WDR26: variants seen among roughly 807,000 people sequenced by gnomAD.
WDR26 encodes the protein WD repeat domain 26, also known as WD repeat-containing protein 26.
In WDR26, 5 loss-of-function variants were observed where a neutral mutation model predicts 84.1. The observed-to-expected ratio is 0.06, with a 90% CI of 0.03 to 0.13. The LOEUF (loss-of-function observed/expected upper bound fraction) is 0.13. WDR26 is among the 10% of genes least tolerant of loss of function. The pLI, the probability that WDR26 is intolerant of heterozygous loss-of-function variation, is 1.00. For synonymous variants in WDR26, 415 were observed against 389.6 expected, an observed-to-expected ratio of 1.07 and a Z score of -0.77; for missense variants, 642 against 974.9, an observed-to-expected ratio of 0.66 and a Z score of 4.55.
chr1:224,404,974 T>C (rs1486708574), intron 7 of WDR26, among the ~76,000 whole-genome samples: 2 of 152,232 alleles, frequency 1.3e-5, no homozygotes, highest in East Asian at 3.8e-4. Context: ...CCTTTTAAAG[T>C]ATACAACTCA....
chr1:224,398,389 C>T (rs1044197829), intron 11 of WDR26, 126 bp downstream of exon 11: 1 of 1,180,050 alleles, frequency 8.5e-7, no homozygotes, highest in Non-Finnish European at 1.2e-6. Flanking sequence ...ATTTAAGGAT[C>T]AATCACATGC....
At chr1:224,429,718 G>GT (rs1380058402) in intron 3 of WDR26, 1 of 152,156 alleles carries the variant, frequency 6.6e-6, no homozygotes, top group Non-Finnish European at 1.5e-5. Flanking sequence ...ATCCTAGAAT[G>GT]TTCTACAGAC....
At chr1:224,392,531 G>T (rs1386877713) in intron 13 of WDR26, among the ~76,000 whole-genome samples, 17 of 152,144 alleles carry the variant, frequency 1.1e-4, no homozygotes, top group Admixed American at 1.1e-3. Flanking sequence ...TAAAGACTTT[G>T]GGTTTGTAGG....
At chr1:224,400,508 C>T (rs1046413103) in intron 9 of WDR26, among the ~76,000 whole-genome samples, 2 of 152,028 alleles carry the variant, frequency 1.3e-5, no homozygotes, top group African/African-American at 4.8e-5. Context: ...TTGTCTACGA[C>T]GACAGCAAAG....
Position 224,385,331 on chromosome 1 carries a change from AGTC to A in WDR26, c.*4501_*4503del, listed in dbSNP as rs1672958925. On this transcript the variant is annotated 3_prime_UTR_variant, in exon 14 of 14. Transcript: ENST00000414423. ...ATACATTACACATTTATAAAATAAA[AGTC>A]AACAAAGGGTGTTTTGTAAATAATT... 1 of 152,258 alleles carries A rather than the reference AGTC, an allele frequency of 6.6e-6. No homozygotes were observed. The highest frequency in any genetic ancestry group is 1.5e-5 in the Non-Finnish European group (1 of 68,040). The allele number at this position is 152,258 out of a possible 1,614,324, so 9.4% of individuals were successfully genotyped here.
intron 9 of WDR26, among the ~76,000 whole-genome samples, chr1:224,399,340 T>TA (rs1441016105): frequency 6.6e-6 from 1 of 152,216 alleles, no homozygotes; most frequent in Non-Finnish European, 1.5e-5. Flanking sequence ...AGTAAGGTCT[T>TA]ACTTTTATTC....
rs931868576 is a variant in WDR26 at position 224,385,557 on chromosome 1, C to G, written c.*4278G>C. 3 of 152,730 alleles carry G rather than the reference C, an allele frequency of 2.0e-5. No homozygotes were observed. The highest frequency in any genetic ancestry group is 4.1e-4 in the South Asian group (2 of 4,826). The allele number at this position is 152,730 out of a possible 1,614,324, so 9.5% of individuals were successfully genotyped here. Reference sequence around the variant, plus strand: ...AAATAGTTATTACATACCAAAAGCTCTAAGTGTTAACTAGTTCCACCACAA... The same window carrying G: ...AAATAGTTATTACATACCAAAAGCTGTAAGTGTTAACTAGTTCCACCACAA... On this transcript the variant is annotated 3_prime_UTR_variant, in exon 14 of 14. Transcript: ENST00000414423.
chr1:224,402,434 ATG>A (rs562532633), intron 8 of WDR26, among the ~76,000 whole-genome samples: 41 of 152,344 alleles, frequency 2.7e-4, no homozygotes, highest in African/African-American at 7.9e-4. Flanking sequence ...TTCTCTTATT[ATG>A]CTCTAAATAG....
chr1:224,399,466 G>GA (rs1572165383), intron 9 of WDR26, among the ~76,000 whole-genome samples: 1 of 152,154 alleles, frequency 6.6e-6, no homozygotes, highest in South Asian at 2.1e-4. Context: ...CAGACTGGAG[G>GA]AATCTGTTAA....
chr1:224,426,419 T>C (rs1674212176), intron 3 of WDR26, among the ~76,000 whole-genome samples: 1 of 152,104 alleles, frequency 6.6e-6, no homozygotes, highest in Non-Finnish European at 1.5e-5. Flanking sequence ...ACAAATCTCA[T>C]CTTAAATATA....
chr1:224,413,081 C>T (rs1673782972), intron 6 of WDR26: 1 of 188,084 alleles, frequency 5.3e-6, no homozygotes, highest in Non-Finnish European at 1.1e-5. Context: ...CTCAGCTACT[C>T]AAGAAGCTGA....
chr1:224,424,019 T>G (rs1674140629), intron 4 of WDR26, among the ~76,000 whole-genome samples: 1 of 151,238 alleles, frequency 6.6e-6, no homozygotes, highest in African/African-American at 2.4e-5. Context: ...GAGATCACAC[T>G]GGACAACACT....
At chr1:224,409,023 G>A (rs2102902753) in intron 7 of WDR26, among the ~76,000 whole-genome samples, 1 of 152,150 alleles carries the variant, frequency 6.6e-6, no homozygotes, top group South Asian at 2.1e-4. Flanking sequence ...GGTAGTATTA[G>A]GCAGTACTGG....
intron 9 of WDR26, among the ~76,000 whole-genome samples, chr1:224,399,677 G>A (rs1362693466): frequency 1.3e-5 from 2 of 152,082 alleles, no homozygotes; most frequent in Non-Finnish European, 2.9e-5. Flanking sequence ...CTTGCACGCA[G>A]GGAATTAAGA....
At position 224,393,774 on chromosome 1, in the gene WDR26, G is replaced by A. The variant is rs1479207949; in HGVS notation, c.2260+54C>T. The A allele has an allele frequency of 1.7e-5, 24 of 1,387,950 alleles. No individual in the cohort carries two copies. The East Asian group carries it at 5.5e-4, about 32-fold the overall frequency. The allele number at this position is 1,387,950 out of a possible 1,614,324, so 86.0% of individuals were successfully genotyped here. ...TAAAACTGCTTTAAGTTCATAATAA[G>A]CCGAGTGATGTTTCATTTGGACAAA... On this transcript the variant is annotated intron_variant, in intron 13 of 13. Transcript: ENST00000414423.
intron 7 of WDR26, 134 bp from the exon 8 acceptor site, chr1:224,404,704 T>C (rs1673506521): frequency 1.9e-6 from 2 of 1,065,584 alleles, no homozygotes; most frequent in African/African-American, 3.2e-5. Flanking sequence ...ATTTTCCCTT[T>C]AACAGCTTGC....
At chr1:224,432,196 T>C (rs1674411647) in intron 1 of WDR26, among the ~76,000 whole-genome samples, 1 of 152,252 alleles carries the variant, frequency 6.6e-6, no homozygotes, top group Admixed American at 6.5e-5. Flanking sequence ...AGAGCTTATA[T>C]ATCCAGGTAT....
Position 224,387,303 on chromosome 1 carries a change from A to G in WDR26, c.*2532T>C, listed in dbSNP as rs1034054081. The G allele has an allele frequency of 2.6e-5, 4 of 152,608 alleles. No individual in the cohort carries two copies. Among genetic ancestry groups the G allele is most frequent in the African/African-American group, 9.7e-5 (4 of 41,434 alleles). The allele number at this position is 152,608 out of a possible 1,614,324, so 9.5% of individuals were successfully genotyped here. On this transcript the variant is annotated 3_prime_UTR_variant, in exon 14 of 14. Transcript: ENST00000414423. The stretch of plus-strand genomic sequence containing the variant: ...CCTGCGATCAGTTTCTCATACCATA[A>G]AATCCTAGGCTTCTTTACCATTGAT...
rs76576445 is a variant in WDR26, at chr1:224,426,667, A to G, written c.928-2013T>C. On this transcript the variant is annotated intron_variant, in intron 3 of 13. Transcript: ENST00000414423. The stretch of plus-strand genomic sequence containing the variant: ...ACAGAAACCAAAAACTAAACAATGC[A>G]AAAAAAAAAAAAATCTAAAAATAAA... 1.2e-4 allele frequency among the ~76,000 whole-genome samples: 15 copies of G among 120,290 alleles called. 1 individual carries two copies. In the South Asian group the frequency reaches 3.8e-3, roughly 31 times the overall value. The allele number at this position is 120,290 out of a possible 152,430, so 78.9% of individuals were successfully genotyped here.
Sources: gnomAD v4.1 joint callset for allele counts (sites outside exome capture counted in the v4.1 genomes callset) on GRCh38, gnomAD v4.1.1 for gene constraint, MANE v1.5 for transcripts, NCBI Gene and HGNC (gene_info 2026-07-23, HGNC 2026-07-21) for gene names.